The following CABLES1 variants were observed in gnomAD, a reference collection of about 807,000 sequenced individuals.
The protein encoded by CABLES1 is CDK5 and ABL1 enzyme substrate 1.
In CABLES1, 36 loss-of-function variants were observed where a neutral mutation model predicts 57.8. That is an observed-to-expected ratio of 0.62 (90% confidence interval 0.48 to 0.82). The LOEUF is 0.82. Ranked by LOEUF, CABLES1 falls within the 40% of genes least tolerant of loss-of-function variation. The pLI is 0.00. For missense variants in CABLES1, 767 were observed against 836.6 expected (o/e 0.92, Z 1.03); for synonymous variants, 374 against 363.0 (o/e 1.03, Z -0.35).
intron 7 of CABLES1, among the ~76,000 whole-genome samples, chr18:23,239,276 G>C (rs2047677541): frequency 6.6e-6 from 1 of 152,166 alleles, no homozygotes; most frequent in Non-Finnish European, 1.5e-5. Flanking sequence ...TCACTGCATT[G>C]GCTCTGCAGT....
At chr18:23,135,441 G>C (rs1009549841), upstream of CABLES1, 2 of 152,226 alleles carry the variant, frequency 1.3e-5, no homozygotes, top group Admixed American at 6.5e-5. Flanking sequence ...GCGCGAGCGC[G>C]GGGCGCGCGC....
At chr18:23,236,081 T>C (rs755033881) in intron 6 of CABLES1, 30 bp downstream of exon 6, 54 of 1,609,506 alleles carry the variant, frequency 3.4e-5, no homozygotes, top group Non-Finnish European at 4.5e-5. Flanking sequence ...GTCTGGTAGC[T>C]CGTGGTGGGA....
At chr18:23,228,120 A>G (rs1244668486) in intron 4 of CABLES1, among the ~76,000 whole-genome samples, 3 of 152,128 alleles carry the variant, frequency 2.0e-5, no homozygotes, top group Non-Finnish European at 4.4e-5. Context: ...TTAAGAGAGT[A>G]ATATTAATTA....
chr18:23,180,210 C>T (rs953290760), intron 1 of CABLES1, among the ~76,000 whole-genome samples: 3 of 152,146 alleles, frequency 2.0e-5, no homozygotes, highest in Non-Finnish European at 4.4e-5. Context: ...CATGAGCCAC[C>T]GCGCCTGGCC....
chr18:23,231,859 C>A (rs1460049312), intron 4 of CABLES1, among the ~76,000 whole-genome samples: 3 of 152,006 alleles, frequency 2.0e-5, no homozygotes, highest in African/African-American at 7.2e-5. Flanking sequence ...GTTCTGTTAA[C>A]TGTGATGTGT....
Position 23,253,842 on chromosome 18 carries a change from A to G in CABLES1, c.1667A>G (p.Lys556Arg), listed in dbSNP as rs1382019600. The change falls in exon 9 of 10, where the codon AAA (lysine) becomes AGA (arginine). Residue 556 changes from lysine to arginine, a missense_variant. Physicochemically the swap from Lys to Arg is conservative, Grantham distance 26. Around this residue, in one of 4 missense-constraint regions of CABLES1, gnomAD observed 529 missense variants for 622.8 expected, o/e 0.85. Transcript: ENST00000256925. ...EKLALKGKLN[K>R]QNRKLCAGAC... Reference sequence around the variant, plus strand: ...CTCGCCCTCAAGGGGAAACTCAACAAACAGAACCGGAAGCTGTGTGCTGGG... The same window carrying G: ...CTCGCCCTCAAGGGGAAACTCAACAGACAGAACCGGAAGCTGTGTGCTGGG... The G allele has an allele frequency of 1.9e-6, 3 of 1,614,254 alleles. No individual in the cohort carries two copies. Among genetic ancestry groups the G allele is most frequent in the East Asian group, 2.2e-5 (1 of 44,888 alleles).
intron 7 of CABLES1, among the ~76,000 whole-genome samples, chr18:23,245,262 C>T (rs974579079): frequency 2.0e-5 from 3 of 152,190 alleles, no homozygotes; most frequent in Admixed American, 6.5e-5. Flanking sequence ...AACCCCAACG[C>T]TTTGGGAGGC....
In CABLES1 at chr18:23,237,203, T is replaced by C. The variant is rs771287723; in HGVS notation, c.1404T>C (p.Pro468=). Reference sequence around the variant, plus strand: ...ATCTCTTGGATGACCCCCAGTGGCCTTGTGGCAAACACAAACGCGTTCTGA... The same window carrying C: ...ATCTCTTGGATGACCCCCAGTGGCCCTGTGGCAAACACAAACGCGTTCTGA... ...DPNLLDDPQW[P]CGKHKRVLIF... Residue 468 remains proline (P), a synonymous_variant, in exon 7 of 10, where the codon CCT becomes CCC. Coordinates refer to ENST00000256925, the MANE Select transcript of CABLES1 (RefSeq NM_001100619.3). The C allele has an allele frequency of 7.4e-6, 12 of 1,613,966 alleles. No individual in the cohort carries two copies. Among genetic ancestry groups the C allele is most frequent in the Non-Finnish European group, 1.0e-5 (12 of 1,179,786 alleles).
At chr18:23,176,444 T>A (rs909244268) in intron 1 of CABLES1, among the ~76,000 whole-genome samples, 2 of 152,156 alleles carry the variant, frequency 1.3e-5, no homozygotes, top group Non-Finnish European at 2.9e-5. Context: ...GTGGCCCCCA[T>A]TCCTAATAGG....
At chr18:23,176,897 C>T (rs2047126984) in intron 1 of CABLES1, among the ~76,000 whole-genome samples, 1 of 152,036 alleles carries the variant, frequency 6.6e-6, no homozygotes, top group Non-Finnish European at 1.5e-5. Context: ...CTGGCGTCCT[C>T]CCTAGGAGGG....
At chr18:23,185,207 T>C (rs1268311520) in intron 1 of CABLES1, among the ~76,000 whole-genome samples, 3 of 152,120 alleles carry the variant, frequency 2.0e-5, no homozygotes, top group African/African-American at 4.8e-5. Context: ...AGGGGAGTTA[T>C]TGGGTCGTGT....
At chr18:23,246,606 T>A (rs530310170) in intron 7 of CABLES1, among the ~76,000 whole-genome samples, 51 of 151,932 alleles carry the variant, frequency 3.4e-4, no homozygotes, top group South Asian at 1.7e-3. Flanking sequence ...TTAGCCAGGA[T>A]GGTCTCGATC....
intron 1 of CABLES1, among the ~76,000 whole-genome samples, chr18:23,157,229 T>C (rs2046971708): frequency 6.6e-6 from 1 of 152,156 alleles, no homozygotes; most frequent in Non-Finnish European, 1.5e-5. Flanking sequence ...ATCTCTGTTT[T>C]ATTTAGAAAT....
chr18:23,140,058 C>T (rs1200242996), intron 1 of CABLES1, among the ~76,000 whole-genome samples: 1 of 152,194 alleles, frequency 6.6e-6, no homozygotes, highest in East Asian at 1.9e-4. Flanking sequence ...CCCCGCCTCA[C>T]AGACGGGACT....
intron 1 of CABLES1, among the ~76,000 whole-genome samples, chr18:23,179,344 T>A (rs146579553): frequency 1.3e-4 from 20 of 152,276 alleles, no homozygotes; most frequent in African/African-American, 4.1e-4. Context: ...TAACCATCCC[T>A]CCTTTTCTTA....
chr18:23,156,457 GTCC>G (rs1349390719), intron 1 of CABLES1, among the ~76,000 whole-genome samples: 1 of 152,210 alleles, frequency 6.6e-6, no homozygotes, highest in African/African-American at 2.4e-5. Flanking sequence ...CCTGTGCTTT[GTCC>G]TCCTATAGTA....
chr18:23,253,064 G>A lies in CABLES1; in HGVS notation c.1551G>A (p.Arg517=), dbSNP rs774527310. 3 of 1,590,754 alleles carry A rather than the reference G, an allele frequency of 1.9e-6. No individual in the cohort carries two copies. Among genetic ancestry groups the A allele is most frequent in the East Asian group, 2.2e-5 (1 of 44,748 alleles). The stretch of plus-strand genomic sequence containing the variant: ...TTAAGCTGACACTCAGCAAAATTAG[G>A]AGGTACGGGAGGCTGGACTTGCCTG... ...PHIKLTLSKI[R]SLKREMRKLA... The change falls in exon 8 of 10, where the codon AGG becomes AGA. Residue 517 remains arginine (R), a splice_region_variant and synonymous_variant. Transcript: ENST00000256925.
Position 23,135,617 on chromosome 18 carries a change from C to A in CABLES1, c.-146C>A. The A allele has an allele frequency of 1.6e-6, 1 of 612,172 alleles. No individual in the cohort carries two copies. Among genetic ancestry groups the A allele is most frequent in the Non-Finnish European group, 2.0e-6 (1 of 490,148 alleles). 37.9% of individuals were successfully genotyped at this position (612,172 alleles called of 1,614,324 possible). A position where few individuals can be genotyped will look rare whatever the true frequency, so the allele number is the denominator to read the frequency against. ...AGCACCGAGGGGCGAGCATGGCCCG[C>A]CCGCGGGGGGGCTGGACCGCCGCGC... On this transcript the variant is annotated 5_prime_UTR_variant, in exon 1 of 10. Coordinates refer to ENST00000256925, the MANE Select transcript of CABLES1 (RefSeq NM_001100619.3).
intron 1 of CABLES1, among the ~76,000 whole-genome samples, chr18:23,180,157 G>A (rs779957820): frequency 4.3e-4 from 66 of 152,116 alleles, no homozygotes; most frequent in Non-Finnish European, 7.6e-4. Flanking sequence ...TCCTGACCTC[G>A]TGATCCACCC....
Sources: allele counts gnomAD v4.1 joint callset (sites outside exome capture counted in the v4.1 genomes callset), GRCh38; gene constraint gnomAD v4.1.1; regional missense constraint gnomAD v4.1.1; transcripts MANE v1.5; gene names NCBI Gene and HGNC (gene_info 2026-07-23, HGNC 2026-07-21).